The following SLC24A2 variants were observed in gnomAD, a reference collection of about 807,000 sequenced individuals.
SLC24A2 encodes sodium/potassium/calcium exchanger 2.
Under a neutral mutation model 62.0 loss-of-function variants are expected in SLC24A2, and 36 were observed. The observed-to-expected ratio is 0.58, with a 90% CI of 0.44 to 0.77. The LOEUF (loss-of-function observed/expected upper bound fraction) is 0.77, where lower values mean the gene tolerates loss of function less well. SLC24A2 is among the 30% of genes least tolerant of loss of function. The probability of loss-of-function intolerance (pLI) is 0.00; values close to 1 mark genes in which losing one functional copy is unlikely to be tolerated. For synonymous variants in SLC24A2, 358 were observed against 294.0 expected (o/e 1.22, Z -2.23); for missense variants, 846 against 817.9 (o/e 1.03, Z -0.42).
the SLC24A2 span, among the ~76,000 whole-genome samples, chr9:19,997,998 A>G: frequency 6.6e-6 from 1 of 152,076 alleles, no homozygotes; most frequent in Non-Finnish European, 1.5e-5. Flanking sequence ...TATTTTTGGG[A>G]AAAAAGCCAA....
chr9:20,131,769 A>T, the SLC24A2 span, among the ~76,000 whole-genome samples: 4 of 152,282 alleles, frequency 2.6e-5, no homozygotes, highest in African/African-American at 9.6e-5. Context: ...TTATAAGCAG[A>T]TGACAAGGCA....
At chr9:19,563,098 C>A (rs901872525) in intron 7 of SLC24A2, among the ~76,000 whole-genome samples, 1 of 151,990 alleles carries the variant, frequency 6.6e-6, no homozygotes, top group South Asian at 2.1e-4. Flanking sequence ...GGTGCAAGAC[C>A]CCAACTCTAA....
the SLC24A2 span, among the ~76,000 whole-genome samples, chr9:20,084,783 C>G: frequency 1.3e-5 from 2 of 152,090 alleles, no homozygotes; most frequent in Non-Finnish European, 2.9e-5. Context: ...AACCAAGGGG[C>G]TTTAACAATG....
the SLC24A2 span, among the ~76,000 whole-genome samples, chr9:20,148,929 G>T: frequency 6.6e-6 from 1 of 152,040 alleles, no homozygotes; most frequent in Non-Finnish European, 1.5e-5. Context: ...AAAAATCACA[G>T]TTGTAAGTGA....
At chr9:20,108,593 C>T in the SLC24A2 span, among the ~76,000 whole-genome samples, 1 of 150,556 alleles carries the variant, frequency 6.6e-6, no homozygotes, top group Admixed American at 6.7e-5. Flanking sequence ...TAAACTATCG[C>T]AAGAACAAAA....
chr9:19,837,605 T>G, the SLC24A2 span, among the ~76,000 whole-genome samples: 1 of 149,726 alleles, frequency 6.7e-6, no homozygotes, highest in Admixed American at 6.7e-5. Flanking sequence ...GGGTATTCAA[T>G]TAGGAAAAAA....
intron 2 of SLC24A2, among the ~76,000 whole-genome samples, chr9:19,759,714 G>T (rs1564084579): frequency 6.6e-6 from 1 of 152,012 alleles, no homozygotes; most frequent in Non-Finnish European, 1.5e-5. Context: ...ACTCTTTTAG[G>T]CATTAGGGAT....
At chr9:19,778,916 T>G (rs1036845262) in intron 2 of SLC24A2, among the ~76,000 whole-genome samples, 2 of 152,102 alleles carry the variant, frequency 1.3e-5, no homozygotes, top group South Asian at 4.1e-4. Flanking sequence ...AAAAGAGGCA[T>G]TAAAAGTATG....
chr9:19,905,659 T>A, the SLC24A2 span, among the ~76,000 whole-genome samples: 1 of 152,058 alleles, frequency 6.6e-6, no homozygotes, highest in Non-Finnish European at 1.5e-5. Flanking sequence ...CCTCCCAAAG[T>A]GCTGGGATTA....
chr9:19,764,046 T>C (rs1305932494), intron 2 of SLC24A2, among the ~76,000 whole-genome samples: 1 of 152,190 alleles, frequency 6.6e-6, no homozygotes, highest in Non-Finnish European at 1.5e-5. Context: ...CTTGGGAGGA[T>C]ATATGTGTCC....
intron 5 of SLC24A2, among the ~76,000 whole-genome samples, chr9:19,596,321 C>G (rs578185040): frequency 2.6e-4 from 40 of 152,256 alleles, no homozygotes; most frequent in African/African-American, 9.6e-4. Flanking sequence ...TGTGAGGGTA[C>G]CTTTCCATTT....
the SLC24A2 span, among the ~76,000 whole-genome samples, chr9:20,058,568 A>G: frequency 6.6e-6 from 1 of 151,936 alleles, no homozygotes; most frequent in East Asian, 1.9e-4. Context: ...AGCATAAGTA[A>G]CAATGACTCC....
At chr9:19,917,498 C>G in the SLC24A2 span, among the ~76,000 whole-genome samples, 1 of 151,692 alleles carries the variant, frequency 6.6e-6, no homozygotes, top group African/African-American at 2.4e-5. Context: ...TTACAGTATT[C>G]ATTTACCCAT....
At chr9:19,588,859 G>C (rs1039396513) in intron 5 of SLC24A2, among the ~76,000 whole-genome samples, 2 of 152,192 alleles carry the variant, frequency 1.3e-5, no homozygotes, top group African/African-American at 4.8e-5. Flanking sequence ...TACCTGGGAG[G>C]CTGAGGCAGG....
At chr9:19,560,936 G>C (rs557399864) in intron 7 of SLC24A2, among the ~76,000 whole-genome samples, 148 of 126,342 alleles carry the variant, frequency 1.2e-3, no homozygotes, top group African/African-American at 3.4e-3. Context: ...GAGAGAGAGA[G>C]AGAGAGAGAG....
chr9:20,240,594 G>A, the SLC24A2 span, among the ~76,000 whole-genome samples: 1 of 152,158 alleles, frequency 6.6e-6, no homozygotes, highest in African/African-American at 2.4e-5. Context: ...AATGGGAGTA[G>A]AACTTTTTTG....
the SLC24A2 span, among the ~76,000 whole-genome samples, chr9:19,995,358 G>C: frequency 1.3e-5 from 2 of 152,136 alleles, no homozygotes; most frequent in South Asian, 2.1e-4. Flanking sequence ...GAGGTAAAGA[G>C]AGCGTGGAGG....
the SLC24A2 span, among the ~76,000 whole-genome samples, chr9:20,090,638 G>A: frequency 6.6e-6 from 1 of 151,064 alleles, no homozygotes; most frequent in African/African-American, 2.4e-5. Context: ...CCAAAGACAA[G>A]GGAGCTACAA....
At chr9:20,268,413 G>T in the SLC24A2 span, among the ~76,000 whole-genome samples, 17 of 152,166 alleles carry the variant, frequency 1.1e-4, no homozygotes, top group Non-Finnish European at 2.2e-4. Flanking sequence ...CTCTGTCCTT[G>T]TGAATGGACT....
Sources: gnomAD v4.1 joint callset for allele counts (sites outside exome capture counted in the v4.1 genomes callset) on GRCh38, gnomAD v4.1.1 for gene constraint, MANE v1.5 for transcripts, NCBI Gene and HGNC (gene_info 2026-07-23, HGNC 2026-07-21) for gene names.